RCAN2: variants seen among roughly 807,000 people sequenced by gnomAD.
RCAN2 encodes regulator of calcineurin 2.
In RCAN2, 9 loss-of-function variants were observed where a neutral mutation model predicts 23.6. The ratio of observed to expected loss-of-function variants is 0.38; its 90% CI spans 0.23 to 0.67. The LOEUF (loss-of-function observed/expected upper bound fraction) is 0.67. RCAN2 is among the 30% of genes least tolerant of loss of function. RCAN2 has a pLI of 0.51. For missense variants in RCAN2, 273 were observed against 302.3 expected (o/e 0.90, Z 0.72); for synonymous variants, 109 against 115.7 (o/e 0.94, Z 0.37).
intron 2 of RCAN2, among the ~76,000 whole-genome samples, chr6:46,384,994 T>C (rs890509622): frequency 3.9e-5 from 6 of 152,332 alleles, no homozygotes; most frequent in African/African-American, 1.4e-4. Flanking sequence ...GAAACAAGAA[T>C]GGCAGAATGT....
At chr6:46,403,343 C>T (rs1766313179) in intron 2 of RCAN2, among the ~76,000 whole-genome samples, 2 of 151,960 alleles carry the variant, frequency 1.3e-5, no homozygotes, top group South Asian at 2.1e-4. Context: ...GAGGCAGAGG[C>T]AGGTGGATCA....
At chr6:46,383,163 T>G (rs935494858) in intron 2 of RCAN2, among the ~76,000 whole-genome samples, 10 of 141,222 alleles carry the variant, frequency 7.1e-5, no homozygotes, top group African/African-American at 2.6e-4. Context: ...TCGTGCAGCC[T>G]GGGTAGTGTG....
At chr6:46,444,944 C>G (rs1347364980) in intron 2 of RCAN2, among the ~76,000 whole-genome samples, 1 of 151,996 alleles carries the variant, frequency 6.6e-6, no homozygotes, top group Admixed American at 6.5e-5. Flanking sequence ...CCACACTTGT[C>G]CTAGCAACAG....
At chr6:46,409,947 G>A (rs1029944556) in intron 2 of RCAN2, among the ~76,000 whole-genome samples, 10 of 152,154 alleles carry the variant, frequency 6.6e-5, no homozygotes, top group Admixed American at 6.5e-4. Context: ...ACCAACATGG[G>A]CAGGTACTAT....
At chr6:46,226,114 C>T (rs1273915949) in intron 4 of RCAN2, among the ~76,000 whole-genome samples, 1 of 152,126 alleles carries the variant, frequency 6.6e-6, no homozygotes, top group Non-Finnish European at 1.5e-5. Context: ...GGTATTGTTT[C>T]TGAGGGCTCT....
In RCAN2 at chr6:46,360,584, G is replaced by C. The variant is rs1554136232; in HGVS notation, c.225+96168C>G. On this transcript the variant is annotated intron_variant, in intron 2 of 4. Coordinates refer to ENST00000371374, the MANE Select transcript of RCAN2 (RefSeq NM_001251974.2). ...AAGAGGGCTTGATGTAGATAAGAGA[G>C]GGAGACAAAAAATCTTACTGAGAAA... Among the ~76,000 whole-genome samples the C allele has an allele frequency of 5.4e-5, 8 of 149,120 alleles. No individual in the cohort carries two copies. The South Asian group carries it at 1.7e-3, about 32-fold the overall frequency.
At chr6:46,410,091 T>G (rs937887173) in intron 2 of RCAN2, among the ~76,000 whole-genome samples, 1 of 152,140 alleles carries the variant, frequency 6.6e-6, no homozygotes, top group South Asian at 2.1e-4. Context: ...TCTCCAGCCT[T>G]AGAATTCTGG....
chr6:46,273,827 T>C (rs951157964), intron 2 of RCAN2, among the ~76,000 whole-genome samples: 2 of 152,192 alleles, frequency 1.3e-5, no homozygotes, highest in African/African-American at 2.4e-5. Flanking sequence ...CATGATCATT[T>C]CCTTTTTAGA....
At chr6:46,252,342 C>G (rs1193106986) in intron 2 of RCAN2, among the ~76,000 whole-genome samples, 1 of 152,154 alleles carries the variant, frequency 6.6e-6, no homozygotes, top group Non-Finnish European at 1.5e-5. Context: ...TCCTCTGGCT[C>G]CCATTTTTCT....
At chr6:46,266,048 G>A (rs557885177) in intron 2 of RCAN2, among the ~76,000 whole-genome samples, 5 of 152,242 alleles carry the variant, frequency 3.3e-5, no homozygotes, top group Admixed American at 2.0e-4. Context: ...TCTCCTAGAA[G>A]CTTCCTAAAT....
At chr6:46,254,937 C>T (rs1483770426) in intron 2 of RCAN2, among the ~76,000 whole-genome samples, 2 of 152,126 alleles carry the variant, frequency 1.3e-5, no homozygotes, top group South Asian at 4.2e-4. Context: ...TAGCAAACCA[C>T]CAGAAGCTAG....
chr6:46,369,208 A>G (rs1765258621), intron 2 of RCAN2, among the ~76,000 whole-genome samples: 1 of 152,198 alleles, frequency 6.6e-6, no homozygotes, highest in South Asian at 2.1e-4. Flanking sequence ...CTTCAAGGGC[A>G]GTAAGAGACA....
chr6:46,353,535 G>T (rs1764727019), intron 2 of RCAN2, among the ~76,000 whole-genome samples: 1 of 152,104 alleles, frequency 6.6e-6, no homozygotes, highest in Admixed American at 6.6e-5. Context: ...GTAAGATGGG[G>T]GTTAAGTTCT....
intron 2 of RCAN2, among the ~76,000 whole-genome samples, chr6:46,396,715 A>G (rs1766098671): frequency 6.6e-6 from 1 of 152,210 alleles, no homozygotes; most frequent in Non-Finnish European, 1.5e-5. Flanking sequence ...AGTAAACAGA[A>G]TACATTTCTA....
At chr6:46,241,034 G>A (rs190335644) in intron 4 of RCAN2, among the ~76,000 whole-genome samples, 2 of 152,304 alleles carry the variant, frequency 1.3e-5, no homozygotes, top group Admixed American at 1.3e-4. Context: ...ATCGCTCCCT[G>A]CAGGCATTTT....
chr6:46,486,465 T>C (rs950905545), intron 1 of RCAN2, among the ~76,000 whole-genome samples: 2 of 152,204 alleles, frequency 1.3e-5, no homozygotes, highest in African/African-American at 4.8e-5. Context: ...GTCCATGTTC[T>C]TTATACTTCA....
intron 2 of RCAN2, among the ~76,000 whole-genome samples, chr6:46,437,178 A>C (rs1378575230): frequency 1.3e-5 from 2 of 152,264 alleles, no homozygotes; most frequent in Non-Finnish European, 2.9e-5. Context: ...AACAGGCAAT[A>C]GGAAAACGAG....
chr6:46,256,209 A>C (rs528396189), intron 2 of RCAN2, among the ~76,000 whole-genome samples: 2 of 152,040 alleles, frequency 1.3e-5, no homozygotes, highest in African/African-American at 4.8e-5. Flanking sequence ...GTCTCTACTA[A>C]AAATATAAAA....
At chr6:46,328,901 C>A (rs554450076) in intron 2 of RCAN2, among the ~76,000 whole-genome samples, 4 of 152,270 alleles carry the variant, frequency 2.6e-5, no homozygotes, top group Non-Finnish European at 4.4e-5. Flanking sequence ...GAACCACCAC[C>A]CCTAGCCGAG....
Sources: allele counts gnomAD v4.1 joint callset (sites outside exome capture counted in the v4.1 genomes callset), GRCh38; gene constraint gnomAD v4.1.1; transcripts MANE v1.5; gene names NCBI Gene and HGNC (gene_info 2026-07-23, HGNC 2026-07-21).